The following MRPL50 variants were observed in gnomAD, a reference collection of about 807,000 sequenced individuals.
The protein encoded by MRPL50 is mitochondrial ribosomal protein L50.
In MRPL50, 10 loss-of-function variants were observed where a neutral mutation model predicts 16.2. The observed-to-expected ratio is 0.62, with a 90% confidence interval of 0.38 to 1.05. The LOEUF is 1.05. Among genes scored for constraint, MRPL50 ranks in the 50% least tolerant of loss-of-function variants. The pLI is 0.01. For missense variants in MRPL50, 213 were observed against 187.1 expected (o/e 1.14, Z -0.81); for synonymous variants, 68 against 66.8 (o/e 1.02, Z -0.09).
chr9:101,392,961 A>G (rs1830292074), intron 1 of MRPL50, among the ~76,000 whole-genome samples: 1 of 152,168 alleles, frequency 6.6e-6, no homozygotes, highest in Non-Finnish European at 1.5e-5. Flanking sequence ...CCTCAACAAA[A>G]CATTAGCAAG....
At chr9:101,396,113 C>T (rs1168705987) in intron 1 of MRPL50, among the ~76,000 whole-genome samples, 1 of 152,094 alleles carries the variant, frequency 6.6e-6, no homozygotes, top group Non-Finnish European at 1.5e-5. Flanking sequence ...ATAAACATCA[C>T]CTCATACCCA....
chr9:101,392,533 A>T (rs1223532318), intron 1 of MRPL50, among the ~76,000 whole-genome samples: 1 of 151,940 alleles, frequency 6.6e-6, no homozygotes, highest in African/African-American at 2.4e-5. Context: ...AGATTGGAAA[A>T]CCTAGAAGAG....
intron 1 of MRPL50, among the ~76,000 whole-genome samples, chr9:101,398,265 G>A (rs955165521): frequency 5.9e-5 from 9 of 152,146 alleles, no homozygotes; most frequent in Non-Finnish European, 5.9e-5. Flanking sequence ...TGAGTGAAGT[G>A]AAAAGGAAAG....
intron 1 of MRPL50, among the ~76,000 whole-genome samples, chr9:101,393,069 C>A (rs894795399): frequency 6.6e-6 from 1 of 152,096 alleles, no homozygotes; most frequent in Admixed American, 6.5e-5. Context: ...TCAACAAATT[C>A]GATACATCAC....
At position 101,388,093 on chromosome 9, in the gene MRPL50, C is replaced by T. The variant is rs988077502; in HGVS notation, c.*2373G>A. 5 of 152,060 alleles carry T rather than the reference C, an allele frequency of 3.3e-5. No individual in the cohort carries two copies. Among genetic ancestry groups the T allele is most frequent in the African/African-American group, 4.8e-5 (2 of 41,406 alleles). 9.4% of individuals were successfully genotyped at this position (152,060 alleles called of 1,614,324 possible). On this transcript the variant is annotated 3_prime_UTR_variant, in exon 2 of 2. Coordinates refer to ENST00000374865, the MANE Select transcript of MRPL50 (RefSeq NM_019051.3). ...CCCACCTCAATACCAGCATCTAGAT[C>T]CATGTTCTCAAAACATAATCAGCTT...
At chr9:101,394,466 CA>C (rs1830315061) in intron 1 of MRPL50, among the ~76,000 whole-genome samples, 1 of 152,132 alleles carries the variant, frequency 6.6e-6, no homozygotes, top group African/African-American at 2.4e-5. Context: ...ATTTCTAACC[CA>C]ACCAATCAAC....
At position 101,395,762 on chromosome 9, in the gene MRPL50, G is replaced by A. The variant is rs115814823; in HGVS notation, c.92+2739C>T. Among the ~76,000 whole-genome samples the A allele has an allele frequency of 5.3e-3, 801 of 152,136 alleles. 7 individuals carry two copies. Among genetic ancestry groups the A allele is most frequent in the African/African-American group, 0.019 (772 of 41,514 alleles). ...AATAAATTGATGGTTACCAGAGGCTGGGAAGGGTAGTGAGGAGGTAAGGTA... is the reference window on the plus strand; with the variant it reads ...AATAAATTGATGGTTACCAGAGGCTAGGAAGGGTAGTGAGGAGGTAAGGTA... On this transcript the variant is annotated intron_variant, in intron 1 of 1. Coordinates refer to ENST00000374865, the MANE Select transcript of MRPL50 (RefSeq NM_019051.3).
At chr9:101,395,288 TA>T (rs1486566280) in intron 1 of MRPL50, among the ~76,000 whole-genome samples, 1 of 152,128 alleles carries the variant, frequency 6.6e-6, no homozygotes, top group East Asian at 1.9e-4. Context: ...GGCAAGGATG[TA>T]AAGGGGAATA....
chr9:101,390,871 CAG>C, intron 1 of MRPL50, 21 bp from the exon 2 acceptor site: 1 of 1,558,758 alleles, frequency 6.4e-7, no homozygotes, highest in South Asian at 1.2e-5. Flanking sequence ...CAAAAACAAA[CAG>C]ACAAATCCAT....
chr9:101,392,513 A>G (rs751328245), intron 1 of MRPL50, among the ~76,000 whole-genome samples: 25 of 151,856 alleles, frequency 1.6e-4, no homozygotes, highest in Admixed American at 9.9e-4. Context: ...ACAAGCAACT[A>G]TAAGTCAATA....
intron 1 of MRPL50, among the ~76,000 whole-genome samples, chr9:101,393,745 C>A (rs78655293): frequency 8.0e-4 from 121 of 151,792 alleles, no homozygotes; most frequent in African/African-American, 2.8e-3. Context: ...AGTAAAAGGT[C>A]TCTACAATAA....
At position 101,390,080 on chromosome 9, in the gene MRPL50, G is replaced by A. The variant is rs768112546; in HGVS notation, c.*386C>T. The A allele has an allele frequency of 1.2e-5, 12 of 990,204 alleles. No individual in the cohort carries two copies. Among genetic ancestry groups the A allele is most frequent in the Non-Finnish European group, 1.4e-5 (12 of 830,892 alleles). The allele number at this position is 990,204 out of a possible 1,614,324, so 61.3% of individuals were successfully genotyped here. A position where few individuals can be genotyped will look rare whatever the true frequency, so the allele number is the denominator to read the frequency against. ...ATCTATCTAATAAAAGTTTATTTGT[G>A]TATGTGCAATGCATAACTCTATCTT... On this transcript the variant is annotated 3_prime_UTR_variant, in exon 2 of 2. Transcript: ENST00000374865.
At chr9:101,396,025 C>T (rs905513519) in intron 1 of MRPL50, among the ~76,000 whole-genome samples, 1 of 152,066 alleles carries the variant, frequency 6.6e-6, no homozygotes, top group East Asian at 1.9e-4. Context: ...ACATTGTATG[C>T]TTGCATCAAA....
intron 1 of MRPL50, among the ~76,000 whole-genome samples, chr9:101,397,171 T>C (rs1160870222): frequency 6.6e-6 from 1 of 152,030 alleles, no homozygotes; most frequent in Non-Finnish European, 1.5e-5. Context: ...CACACAAAAA[T>C]TCTAACTGGC....
At chr9:101,397,676 T>C (rs1326499910) in intron 1 of MRPL50, among the ~76,000 whole-genome samples, 1 of 152,186 alleles carries the variant, frequency 6.6e-6, no homozygotes. Flanking sequence ...ATAACAAATA[T>C]TGACCAAAGA....
intron 1 of MRPL50, 115 bp downstream of exon 1, chr9:101,398,386 G>T: frequency 1.0e-6 from 1 of 969,264 alleles, no homozygotes; most frequent in Non-Finnish European, 1.6e-6. Context: ...GGACCTCCTT[G>T]TCCTTGCTCT....
intron 1 of MRPL50, among the ~76,000 whole-genome samples, chr9:101,392,151 C>T (rs1191020993): frequency 1.3e-5 from 2 of 151,594 alleles, no homozygotes; most frequent in African/African-American, 4.8e-5. Flanking sequence ...AAAACCTATG[C>T]GATACAGCAG....
intron 1 of MRPL50, among the ~76,000 whole-genome samples, chr9:101,396,759 T>C (rs1192769698): frequency 6.6e-6 from 1 of 151,886 alleles, no homozygotes; most frequent in Non-Finnish European, 1.5e-5. Flanking sequence ...CTGGCCAACA[T>C]GGAGAAACCC....
In MRPL50 at chr9:101,388,943, TTTACA is replaced by T. The variant is rs1424625365; in HGVS notation, c.*1518_*1522del. On this transcript the variant is annotated 3_prime_UTR_variant, in exon 2 of 2. Transcript: ENST00000374865. Reference sequence around the variant, plus strand: ...ATTGTATTCACAATTGTGAAAGCTATTTACATTGTATTCACAATTGTGAATACTAT... The same window carrying T: ...ATTGTATTCACAATTGTGAAAGCTATTTGTATTCACAATTGTGAATACTAT... 1 of 152,012 alleles carries T rather than the reference TTTACA, an allele frequency of 6.6e-6. No individual in the cohort carries two copies. The highest frequency in any genetic ancestry group is 1.9e-4 in the East Asian group (1 of 5,190). The allele number at this position is 152,012 out of a possible 1,614,324, so 9.4% of individuals were successfully genotyped here. A position where few individuals can be genotyped will look rare whatever the true frequency, so the allele number is the denominator to read the frequency against.
Sources: gnomAD v4.1 joint callset for allele counts (sites outside exome capture counted in the v4.1 genomes callset) on GRCh38, gnomAD v4.1.1 for gene constraint, MANE v1.5 for transcripts, NCBI Gene and HGNC (gene_info 2026-07-23, HGNC 2026-07-21) for gene names.